The following CAPN3 variants were observed in gnomAD, a reference collection of about 807,000 sequenced individuals.
CAPN3 encodes the protein calpain 3, also known as calpain-3.
A neutral mutation model predicts 114.0 loss-of-function variants in CAPN3; 88 were observed. The observed-to-expected ratio is 0.77, with a 90% CI of 0.65 to 0.92. The LOEUF is 0.92. CAPN3 is among the 40% of genes least tolerant of loss of function. CAPN3 has a pLI of 0.00. For missense variants in CAPN3, 1,028 were observed against 1,069.0 expected, an observed-to-expected ratio of 0.96 and a Z score of 0.53; for synonymous variants, 386 against 382.9, an observed-to-expected ratio of 1.01 and a Z score of -0.09.
At position 42,410,496 on chromosome 15, in the gene CAPN3, G is replaced by A. The variant is rs886043220; in HGVS notation, c.2184G>A (p.Gln728=). Reference sequence around the variant, plus strand: ...TCTGGAACAAGATTAAGGCCTGGCAGGTGGGAAGAGAAAATGAAGCGTGGG... The same window carrying A: ...TCTGGAACAAGATTAAGGCCTGGCAAGTGGGAAGAGAAAATGAAGCGTGGG... ...HHLWNKIKAW[Q]KIFKHYDTDQ... Residue 728 remains glutamine (Q), a splice_region_variant and synonymous_variant, in exon 20 of 24, where the codon CAG becomes CAA. Coordinates refer to ENST00000397163, the MANE Select transcript of CAPN3 (RefSeq NM_000070.3). 1.2e-5 allele frequency: 19 copies of A among 1,613,998 alleles called. No homozygotes were observed. Among genetic ancestry groups the A allele is most frequent in the Non-Finnish European group, 1.5e-5 (18 of 1,179,972 alleles).
chr15:42,410,796 TCA>T (rs758531088), intron 21 of CAPN3, 86 bp from the exon 22 acceptor site: 6 of 1,382,720 alleles, frequency 4.3e-6, no homozygotes, highest in African/African-American at 2.9e-5. Context: ...CCTTCCCAGG[TCA>T]CAGAGTGGCC....
intron 8 of CAPN3, among the ~76,000 whole-genome samples, chr15:42,396,241 A>ATTTTTT (rs554769961): frequency 8.0e-6 from 1 of 125,764 alleles, no homozygotes; most frequent in African/African-American, 3.1e-5. Flanking sequence ...TCCAGAACCC[A>ATTTTTT]TTTTTTTTTT....
intron 9 of CAPN3, among the ~76,000 whole-genome samples, chr15:42,397,407 C>G (rs1369568057): frequency 6.6e-6 from 1 of 152,004 alleles, no homozygotes; most frequent in Non-Finnish European, 1.5e-5. Flanking sequence ...TTTGGGAGGC[C>G]GAGGTGAACG....
At chr15:42,402,366 C>G in intron 12 of CAPN3, 1 of 1,465,082 alleles carries the variant, frequency 6.8e-7, no homozygotes, top group East Asian at 2.5e-5. Flanking sequence ...CACTGCACGT[C>G]ACACACATGC....
At position 42,412,043 on chromosome 15, in the gene CAPN3, C is replaced by T. The variant is rs1024834906; in HGVS notation, c.*270C>T. The T allele has an allele frequency of 3.8e-5, 58 of 1,519,448 alleles. No individual in the cohort carries two copies. Among genetic ancestry groups the T allele is most frequent in the Admixed American group, 1.0e-4 (5 of 48,848 alleles). 94.1% of individuals were successfully genotyped at this position (1,519,448 alleles called of 1,614,324 possible). On this transcript the variant is annotated 3_prime_UTR_variant, in exon 24 of 24. Transcript: ENST00000397163. ...GAAAGTGCCTGCCTCTGGTCCGAGC[C>T]GCCTCGGTTCTGAAGCGAGTGCTCC...
intron 2 of CAPN3, chr15:42,385,724 A>G (rs538175697): frequency 2.7e-5 from 14 of 521,142 alleles, no homozygotes; most frequent in Admixed American, 1.9e-4. Context: ...TCCAATACAA[A>G]TCATCTTGGT....
intron 5 of CAPN3, among the ~76,000 whole-genome samples, chr15:42,389,593 T>C (rs1371884490): frequency 6.6e-6 from 1 of 152,204 alleles, no homozygotes; most frequent in Non-Finnish European, 1.5e-5. Flanking sequence ...GGTAGGGAGA[T>C]GGCCGCCCAT....
intron 10 of CAPN3, among the ~76,000 whole-genome samples, chr15:42,400,132 C>T (rs1334397248): frequency 6.6e-6 from 1 of 152,264 alleles, no homozygotes; most frequent in African/African-American, 2.4e-5. Context: ...TGTACGGGTA[C>T]TCGAAATCCA....
chr15:42,386,371 G>A, intron 3 of CAPN3, 86 bp downstream of exon 3: 1 of 935,544 alleles, frequency 1.1e-6, no homozygotes, highest in Non-Finnish European at 1.8e-6. Flanking sequence ...GAAGCTGGAG[G>A]AAACTTCCCA....
intron 3 of CAPN3, 76 bp downstream of exon 3, chr15:42,386,361 G>A: frequency 9.9e-7 from 1 of 1,011,448 alleles, no homozygotes; most frequent in African/African-American, 1.6e-5. Flanking sequence ...TGACTTCCCA[G>A]AAGCTGGAGG....
chr15:42,409,883 G>GCGCCCCCCCCC, intron 18 of CAPN3, 39 bp downstream of exon 18: 1 of 559,658 alleles, frequency 1.8e-6, no homozygotes, highest in Non-Finnish European at 3.5e-6. Flanking sequence ...GGTGGGTGGG[G>GCGCCCCCCCCC]AGTCCCGTTG....
intron 2 of CAPN3, 176 bp from the exon 3 acceptor site, chr15:42,385,991 C>G (rs2053393381): frequency 5.4e-6 from 4 of 745,592 alleles, no homozygotes; most frequent in Non-Finnish European, 9.9e-6. Context: ...TCAAGGAATT[C>G]CTGTCCAATT....
At chr15:42,371,955 C>T (rs980841195) in intron 1 of CAPN3, among the ~76,000 whole-genome samples, 2 of 150,572 alleles carry the variant, frequency 1.3e-5, no homozygotes, top group Non-Finnish European at 3.0e-5. Context: ...CAGAGCAAGA[C>T]TCCATCTTAA....
chr15:42,407,060 C>T (rs929591653), intron 15 of CAPN3, among the ~76,000 whole-genome samples: 2 of 152,040 alleles, frequency 1.3e-5, no homozygotes, highest in Non-Finnish European at 2.9e-5. Flanking sequence ...GCATTGCAGC[C>T]TCAATCCCCA....
intron 14 of CAPN3, chr15:42,404,836 G>C (rs753127564): frequency 5.3e-5 from 57 of 1,074,908 alleles, no homozygotes; most frequent in Non-Finnish European, 6.3e-5. Context: ...ATGACCACAG[G>C]CGATTGGTTT....
intron 1 of CAPN3, among the ~76,000 whole-genome samples, chr15:42,373,401 T>TAG (rs1253136230): frequency 1.3e-5 from 2 of 151,944 alleles, no homozygotes; most frequent in Admixed American, 1.3e-4. Context: ...AAGCACAGAG[T>TAG]AGACAAAGGC....
At chr15:42,361,935 C>T (rs1357154723) in intron 1 of CAPN3, among the ~76,000 whole-genome samples, 1 of 152,228 alleles carries the variant, frequency 6.6e-6, no homozygotes, top group Non-Finnish European at 1.5e-5. Flanking sequence ...TTCAATCTTT[C>T]TCATGACTGA....
At chr15:42,389,660 T>G (rs143642021) in intron 5 of CAPN3, among the ~76,000 whole-genome samples, 1 of 152,332 alleles carries the variant, frequency 6.6e-6, no homozygotes, top group East Asian at 1.9e-4. Flanking sequence ...TATATTGATA[T>G]GATAATCTTA....
intron 7 of CAPN3, 125 bp from the exon 8 acceptor site, chr15:42,394,131 A>G: frequency 1.1e-6 from 1 of 880,284 alleles, no homozygotes; most frequent in Non-Finnish European, 1.9e-6. Flanking sequence ...CTCCTTGGCC[A>G]GAGCCAGGCA....
Sources: allele counts gnomAD v4.1 joint callset (sites outside exome capture counted in the v4.1 genomes callset), GRCh38; gene constraint gnomAD v4.1.1; transcripts MANE v1.5; gene names NCBI Gene and HGNC (gene_info 2026-07-23, HGNC 2026-07-21).